The following DLGAP1 variants were observed in gnomAD, a reference collection of about 807,000 sequenced individuals.
The protein encoded by DLGAP1 is disks large-associated protein 1.
A neutral mutation model predicts 90.8 loss-of-function variants in DLGAP1; 11 were observed. That is an observed-to-expected ratio of 0.12 (90% CI 0.08 to 0.20). The LOEUF is 0.20. DLGAP1 is among the 10% of genes least tolerant of loss of function. The pLI, the probability that DLGAP1 is intolerant of heterozygous loss-of-function variation, is 1.00. For missense variants in DLGAP1, 1,050 were observed against 1,333.8 expected (o/e 0.79, Z 3.31); for synonymous variants, 558 against 540.7 (o/e 1.03, Z -0.44).
intron 8 of DLGAP1, among the ~76,000 whole-genome samples, chr18:3,577,555 GTAGT>G (rs1451752032): frequency 1.3e-5 from 2 of 152,136 alleles, no homozygotes; most frequent in Non-Finnish European, 2.9e-5. Flanking sequence ...AAGACGCATG[GTAGT>G]TATTTCCCTG....
chr18:3,509,392 C>CT (rs2050412930), intron 10 of DLGAP1, among the ~76,000 whole-genome samples: 1 of 152,224 alleles, frequency 6.6e-6, no homozygotes, highest in Admixed American at 6.5e-5. Context: ...TACTTCTTGT[C>CT]TCCCCAGCAG....
intron 2 of DLGAP1, among the ~76,000 whole-genome samples, chr18:4,008,464 T>C (rs930930332): frequency 1.3e-5 from 2 of 152,232 alleles, no homozygotes; most frequent in African/African-American, 4.8e-5. Flanking sequence ...GCAAAGGCTC[T>C]GTACAGAAAG....
chr18:4,351,280 T>C, intron 1 of DLGAP1, among the ~76,000 whole-genome samples: 1 of 152,196 alleles, frequency 6.6e-6, no homozygotes, highest in Admixed American at 6.5e-5. Context: ...AAAATGTCAC[T>C]GGGCTTTGCT....
chr18:3,818,855 A>G (rs1362395234), intron 4 of DLGAP1, among the ~76,000 whole-genome samples: 2 of 151,192 alleles, frequency 1.3e-5, no homozygotes, highest in Non-Finnish European at 2.9e-5. Context: ...CGGCCTCCCA[A>G]AGTGCTGGGA....
intron 7 of DLGAP1, among the ~76,000 whole-genome samples, chr18:3,648,170 C>T (rs1317095892): frequency 1.3e-5 from 2 of 152,330 alleles, no homozygotes; most frequent in South Asian, 2.1e-4. Context: ...ATTTTCAAAA[C>T]ATTTCACATC....
chr18:3,716,426 C>T lies in DLGAP1; in HGVS notation c.1591+12709G>A, dbSNP rs550041986. ...TGGCTTGTGCCTGTGGTCCTAGCTA[C>T]TCAGGGGGCTGAAGTGGGAGGATTG... is the stretch of plus-strand genomic sequence containing the variant. On this transcript the variant is annotated intron_variant, in intron 7 of 12. Transcript: ENST00000315677. 2.0e-5 allele frequency among the ~76,000 whole-genome samples: 3 copies of T among 152,172 alleles called. No individual in the cohort carries two copies. The South Asian group carries it at 6.2e-4, about 32-fold the overall frequency.
chr18:3,621,184 G>A (rs2146030105), intron 7 of DLGAP1, among the ~76,000 whole-genome samples: 1 of 152,246 alleles, frequency 6.6e-6, no homozygotes, highest in Middle Eastern at 3.4e-3. Flanking sequence ...TAATAGCTAT[G>A]ATTATTATAC....
intron 1 of DLGAP1, among the ~76,000 whole-genome samples, chr18:4,186,192 CATAGTTTCCAA>C (rs1421634402): frequency 2.0e-5 from 3 of 152,022 alleles, no homozygotes; most frequent in African/African-American, 7.2e-5. Flanking sequence ...TTTTCGGATG[CATAGTTTCCAA>C]ATATTTTCTC....
intron 2 of DLGAP1, among the ~76,000 whole-genome samples, chr18:4,078,135 C>T (rs1235141079): frequency 6.6e-6 from 1 of 152,144 alleles, no homozygotes; most frequent in Non-Finnish European, 1.5e-5. Context: ...GTTACTAAAG[C>T]TTTAGAGTTT....
At chr18:3,743,055 A>C (rs2063126126) in intron 5 of DLGAP1, among the ~76,000 whole-genome samples, 1 of 151,928 alleles carries the variant, frequency 6.6e-6, no homozygotes, top group Admixed American at 6.6e-5. Flanking sequence ...CACCTTAGCC[A>C]TTAAAAAGGC....
intron 1 of DLGAP1, among the ~76,000 whole-genome samples, chr18:4,303,819 A>C (rs1018301259): frequency 2.6e-5 from 4 of 152,206 alleles, no homozygotes; most frequent in Admixed American, 1.3e-4. Context: ...GTATTAGAAG[A>C]AGGAGAAATG....
intron 7 of DLGAP1, among the ~76,000 whole-genome samples, chr18:3,628,359 T>C (rs577304825): frequency 6.5e-4 from 98 of 151,924 alleles, no homozygotes; most frequent in Non-Finnish European, 1.0e-3. Context: ...TCAGACGATT[T>C]TTGTATTTTC....
intron 1 of DLGAP1, among the ~76,000 whole-genome samples, chr18:4,181,639 G>A (rs566490945): frequency 1.8e-4 from 28 of 152,174 alleles, no homozygotes; most frequent in Admixed American, 1.6e-3. Context: ...ATATCTGGAC[G>A]ACAATCAACC....
intron 1 of DLGAP1, among the ~76,000 whole-genome samples, chr18:4,351,829 G>T (rs1476421178): frequency 6.6e-6 from 1 of 152,186 alleles, no homozygotes; most frequent in Non-Finnish European, 1.5e-5. Context: ...ACTATGCTAA[G>T]ATTTAAAATT....
intron 7 of DLGAP1, among the ~76,000 whole-genome samples, chr18:3,602,352 T>G (rs1208994314): frequency 6.6e-6 from 1 of 151,930 alleles, no homozygotes; most frequent in African/African-American, 2.4e-5. Context: ...TCCCAGCAAT[T>G]TGGGAGGCCG....
intron 4 of DLGAP1, among the ~76,000 whole-genome samples, chr18:3,846,691 T>C (rs983242227): frequency 6.6e-6 from 1 of 152,138 alleles, no homozygotes; most frequent in East Asian, 1.9e-4. Flanking sequence ...AAGAGGCCAG[T>C]CTCAAAAGAT....
chr18:3,612,540 C>T (rs2057685795), intron 7 of DLGAP1, among the ~76,000 whole-genome samples: 1 of 152,184 alleles, frequency 6.6e-6, no homozygotes, highest in Non-Finnish European at 1.5e-5. Flanking sequence ...GTATCCATGG[C>T]AACCAGATGT....
intron 2 of DLGAP1, among the ~76,000 whole-genome samples, chr18:4,035,698 C>T (rs1436422960): frequency 6.6e-6 from 1 of 152,142 alleles, no homozygotes; most frequent in African/African-American, 2.4e-5. Context: ...AGCTTTCGTG[C>T]TACCATGAAA....
At chr18:4,215,523 T>C (rs543221736) in intron 1 of DLGAP1, among the ~76,000 whole-genome samples, 7 of 152,272 alleles carry the variant, frequency 4.6e-5, no homozygotes, top group Admixed American at 3.9e-4. Flanking sequence ...ATCTAACAAA[T>C]GAACCTTAAA....
Sources: allele counts gnomAD v4.1 joint callset (sites outside exome capture counted in the v4.1 genomes callset), GRCh38; gene constraint gnomAD v4.1.1; transcripts MANE v1.5; gene names NCBI Gene and HGNC (gene_info 2026-07-23, HGNC 2026-07-21).